GAS2: variants seen among roughly 807,000 people sequenced by gnomAD.
GAS2 encodes the protein growth arrest specific 2, also known as growth arrest-specific protein 2.
In GAS2, 20 loss-of-function variants were observed where a neutral mutation model predicts 37.5. The observed-to-expected ratio is 0.53, with a 90% CI of 0.37 to 0.77. The LOEUF is 0.77. Ranked by LOEUF, GAS2 falls within the 30% of genes least tolerant of loss-of-function variation. The pLI, the probability that GAS2 is intolerant of heterozygous loss-of-function variation, is 0.00. For synonymous variants in GAS2, 144 were observed against 132.2 expected (o/e 1.09, Z -0.61); for missense variants, 336 against 373.4 (o/e 0.90, Z 0.82).
chr11:22,679,017 G>A (rs2133909131), intron 2 of GAS2, among the ~76,000 whole-genome samples: 1 of 152,072 alleles, frequency 6.6e-6, no homozygotes, highest in East Asian at 1.9e-4. Flanking sequence ...ATGTTAACTA[G>A]TTAAAATGAA....
Position 22,643,570 on chromosome 11 carries a change from GTGTGTATT to G in GAS2, c.-21+17764_-21+17771del, listed in dbSNP as rs1051201131. ...ATCACCCACATATCTTCTGTAGTATGTGTGTATTTGTGTAGTAATAAATGGAAAGAACT... is the reference window on the plus strand; with the variant it reads ...ATCACCCACATATCTTCTGTAGTATGTGTGTAGTAATAAATGGAAAGAACT... On this transcript the variant is annotated intron_variant, in intron 1 of 5. Transcript: ENST00000528582. Among the ~76,000 whole-genome samples, 41 of 151,934 alleles carry G rather than the reference GTGTGTATT, an allele frequency of 2.7e-4. No homozygotes were observed. In the South Asian group the frequency reaches 4.8e-3, roughly 18 times the overall value.
chr11:22,777,518 T>C (rs1404002306), intron 7 of GAS2, among the ~76,000 whole-genome samples: 2 of 152,130 alleles, frequency 1.3e-5, no homozygotes, highest in African/African-American at 4.8e-5. Context: ...ATCAATATGA[T>C]ATAGATTTAT....
intron 7 of GAS2, among the ~76,000 whole-genome samples, chr11:22,775,041 T>A (rs1052600473): frequency 6.6e-6 from 1 of 150,838 alleles, no homozygotes; most frequent in Non-Finnish European, 1.5e-5. Flanking sequence ...AAAGGAGGAG[T>A]GGGCAACGAG....
At chr11:22,745,801 A>G (rs985476542) in intron 5 of GAS2, among the ~76,000 whole-genome samples, 6 of 152,062 alleles carry the variant, frequency 3.9e-5, no homozygotes, top group African/African-American at 1.4e-4. Flanking sequence ...ACAGACACTT[A>G]AAAAAACATA....
intron 2 of GAS2, among the ~76,000 whole-genome samples, chr11:22,676,971 C>T (rs1849455778): frequency 1.3e-5 from 2 of 152,006 alleles, no homozygotes; most frequent in South Asian, 2.1e-4. Flanking sequence ...AGGTATGGCA[C>T]ATAATCAAGC....
intron 5 of GAS2, among the ~76,000 whole-genome samples, chr11:22,739,937 G>A (rs1251404484): frequency 2.6e-5 from 4 of 151,936 alleles, no homozygotes; most frequent in African/African-American, 9.6e-5. Flanking sequence ...TATAGCATTT[G>A]CCTTATTTCT....
At chr11:22,664,986 A>G (rs1462827694), upstream of GAS2, among the ~76,000 whole-genome samples, 1 of 95,302 alleles carries the variant, frequency 1.0e-5, no homozygotes, top group East Asian at 3.2e-4. Context: ...AGGATCTGAC[A>G]TAATGCAAAA....
At chr11:22,783,936 C>T (rs1476281524) in intron 7 of GAS2, among the ~76,000 whole-genome samples, 1 of 152,112 alleles carries the variant, frequency 6.6e-6, no homozygotes, top group Non-Finnish European at 1.5e-5. Flanking sequence ...GCAAGTTTGT[C>T]AAAGATCAGT....
chr11:22,765,947 G>C (rs1305083566), intron 7 of GAS2, among the ~76,000 whole-genome samples: 1 of 152,152 alleles, frequency 6.6e-6, no homozygotes, highest in Non-Finnish European at 1.5e-5. Context: ...TTCACACGGT[G>C]AAAGTAGGAA....
intron 3 of GAS2, among the ~76,000 whole-genome samples, chr11:22,693,566 T>G (rs1850355828): frequency 6.6e-6 from 1 of 152,316 alleles, no homozygotes; most frequent in Admixed American, 6.5e-5. Flanking sequence ...ACAAAAGAAC[T>G]TATTCCATGT....
chr11:22,641,503 A>T (rs900280057), intron 1 of GAS2, among the ~76,000 whole-genome samples: 7 of 145,284 alleles, frequency 4.8e-5, no homozygotes, highest in African/African-American at 1.8e-4. Flanking sequence ...CCCCCCACAC[A>T]CCCCACGACA....
At chr11:22,780,510 G>T (rs1855503490) in intron 7 of GAS2, among the ~76,000 whole-genome samples, 1 of 134,144 alleles carries the variant, frequency 7.5e-6, no homozygotes, top group South Asian at 2.4e-4. Context: ...ATGTGTCTGA[G>T]ACCTACCACT....
intron 7 of GAS2, among the ~76,000 whole-genome samples, chr11:22,806,383 A>G (rs1856888420): frequency 6.6e-6 from 1 of 152,172 alleles, no homozygotes; most frequent in South Asian, 2.1e-4. Context: ...TATCTTGGCT[A>G]TTGTGAATAG....
chr11:22,747,439 A>G lies in GAS2; in HGVS notation c.474-1681A>G, dbSNP rs114776619. 5.6e-3 allele frequency among the ~76,000 whole-genome samples: 855 copies of G among 152,272 alleles called. 13 individuals carry two copies. Among genetic ancestry groups the G allele is most frequent in the African/African-American group, 0.019 (774 of 41,564 alleles). On this transcript the variant is annotated intron_variant, in intron 5 of 7. Coordinates refer to ENST00000454584, the MANE Select transcript of GAS2 (RefSeq NM_001143830.3). ...GTGATATCTATGTAAGTAAACATTA[A>G]TCTGTGAACTAGAGTCTGTTCTAAA...
At chr11:22,686,023 T>C (rs1849927821) in intron 3 of GAS2, among the ~76,000 whole-genome samples, 1 of 152,194 alleles carries the variant, frequency 6.6e-6, no homozygotes, top group Admixed American at 6.5e-5. Context: ...GAAATGATGG[T>C]ATTAAAAGAG....
chr11:22,685,127 CTGCACTCCAGATTGCGTGACAG>C (rs147138685), intron 2 of GAS2, among the ~76,000 whole-genome samples: 2,770 of 152,150 alleles, frequency 0.018, 71 homozygotes, highest in African/African-American at 0.063. Context: ...GATCCTGCCA[CTGCACTCCAGATTGCGTGACAG>C]AGTACAATCC....
At chr11:22,687,084 C>CG (rs1392996919) in intron 3 of GAS2, among the ~76,000 whole-genome samples, 1 of 151,814 alleles carries the variant, frequency 6.6e-6, no homozygotes, top group African/African-American at 2.4e-5. Context: ...CAGCACTTTG[C>CG]GGGGGTCAAG....
chr11:22,688,485 A>G (rs748222451), intron 3 of GAS2: 3 of 152,188 alleles, frequency 2.0e-5, no homozygotes, highest in East Asian at 1.9e-4. Flanking sequence ...GAGAGCTGCT[A>G]TGTGCAAATA....
intron 6 of GAS2, among the ~76,000 whole-genome samples, chr11:22,753,745 A>G (rs1162566822): frequency 6.6e-6 from 1 of 152,104 alleles, no homozygotes; most frequent in Non-Finnish European, 1.5e-5. Flanking sequence ...GGAAAACAGT[A>G]CCACTTCTAG....
Sources: allele counts gnomAD v4.1 joint callset (sites outside exome capture counted in the v4.1 genomes callset), GRCh38; gene constraint gnomAD v4.1.1; transcripts MANE v1.5; gene names NCBI Gene and HGNC (gene_info 2026-07-23, HGNC 2026-07-21).